Variants in LMOD1 observed in about 807,000 individuals in gnomAD.
The protein encoded by LMOD1 is leiomodin-1.
LMOD1 carries 8 observed loss-of-function variants against 36.5 expected under a neutral mutation model. That is an observed-to-expected ratio of 0.22 (90% CI 0.13 to 0.40). LMOD1 has a LOEUF of 0.40. LMOD1 is among the 10% of genes least tolerant of loss of function. LMOD1 has a pLI of 1.00. For synonymous variants in LMOD1, 284 were observed against 288.7 expected (o/e 0.98, Z 0.17); for missense variants, 630 against 751.1 (o/e 0.84, Z 1.88).
chr1:201,906,544 C>T (rs1344721768), intron 1 of LMOD1, among the ~76,000 whole-genome samples: 2 of 152,184 alleles, frequency 1.3e-5, no homozygotes, highest in Non-Finnish European at 2.9e-5. Context: ...GGCTGGAGGG[C>T]CTGTCAAAGG....
intron 1 of LMOD1, among the ~76,000 whole-genome samples, chr1:201,901,135 TACTA>T (rs1386559353): frequency 6.6e-6 from 1 of 152,128 alleles, no homozygotes; most frequent in African/African-American, 2.4e-5. Flanking sequence ...AAAGGAGAAA[TACTA>T]ACACTGATCC....
intron 1 of LMOD1, among the ~76,000 whole-genome samples, chr1:201,931,377 A>G (rs1243591582): frequency 6.6e-6 from 1 of 152,284 alleles, no homozygotes; most frequent in Non-Finnish European, 1.5e-5. Flanking sequence ...TCTACTAAAA[A>G]TACAAAAATT....
intron 1 of LMOD1, among the ~76,000 whole-genome samples, chr1:201,943,061 C>T (rs1571595508): frequency 6.6e-6 from 1 of 152,194 alleles, no homozygotes; most frequent in South Asian, 2.1e-4. Context: ...GGGAGATGAA[C>T]ATTTGACAGA....
chr1:201,901,536 A>G (rs1382008941), intron 1 of LMOD1, among the ~76,000 whole-genome samples: 2,253 of 44,552 alleles, frequency 0.051, 306 homozygotes, highest in African/African-American at 0.19. Context: ...ATATGTATAT[A>G]TATATATATA....
intron 1 of LMOD1, among the ~76,000 whole-genome samples, chr1:201,916,511 T>C (rs1342894120): frequency 9.4e-6 from 1 of 106,168 alleles, no homozygotes; most frequent in African/African-American, 3.0e-5. Flanking sequence ...AGAGACCCTG[T>C]CTCAAAAAAC....
chr1:201,915,161 A>G (rs1395720159), intron 1 of LMOD1, among the ~76,000 whole-genome samples: 4 of 152,118 alleles, frequency 2.6e-5, no homozygotes, highest in African/African-American at 9.7e-5. Flanking sequence ...ACGCTTCCCC[A>G]TCGGTTTCCA....
At chr1:201,940,748 A>ACTTTTTTTTTTTTTTTTTTTTTTTT (rs1553299404) in intron 1 of LMOD1, among the ~76,000 whole-genome samples, 1 of 125,248 alleles carries the variant, frequency 8.0e-6, no homozygotes. Flanking sequence ...CACGCCCAGC[A>ACTTTTTTTTTTTTTTTTTTTTTTTT]TTTTTTTTTT....
rs114392110 is a variant in LMOD1, at chr1:201,921,592, C to T, written c.262-20841G>A. 3.6e-3 allele frequency among the ~76,000 whole-genome samples: 540 copies of T among 150,756 alleles called. 5 individuals carry two copies. Among genetic ancestry groups the T allele is most frequent in the African/African-American group, 0.012 (509 of 40,998 alleles). ...GGTGTATACGTAGCAATGAAAACCACGGGAGTAAATATGGTGACTCTGAAA... is the reference window on the plus strand; with the variant it reads ...GGTGTATACGTAGCAATGAAAACCATGGGAGTAAATATGGTGACTCTGAAA... On this transcript the variant is annotated intron_variant, in intron 1 of 2. Transcript: ENST00000367288.
At chr1:201,930,236 T>C (rs908907295) in intron 1 of LMOD1, among the ~76,000 whole-genome samples, 2 of 152,182 alleles carry the variant, frequency 1.3e-5, no homozygotes, top group African/African-American at 4.8e-5. Flanking sequence ...TGAAGGCTTT[T>C]ACACAGGGAA....
intron 1 of LMOD1, among the ~76,000 whole-genome samples, chr1:201,930,095 T>C (rs1681893354): frequency 6.6e-6 from 1 of 152,178 alleles, no homozygotes; most frequent in South Asian, 2.1e-4. Flanking sequence ...AATGGTCAAG[T>C]ACAACTGTAG....
At chr1:201,907,239 A>C (rs1681426637) in intron 1 of LMOD1, among the ~76,000 whole-genome samples, 2 of 152,220 alleles carry the variant, frequency 1.3e-5, no homozygotes, top group African/African-American at 4.8e-5. Flanking sequence ...TGGCTGAGAC[A>C]CTTAGCACCT....
intron 1 of LMOD1, among the ~76,000 whole-genome samples, chr1:201,904,018 A>G (rs1681370945): frequency 6.6e-6 from 1 of 152,122 alleles, no homozygotes; most frequent in Admixed American, 6.5e-5. Context: ...CTTCCCCATC[A>G]GGGGCCAAAG....
At chr1:201,911,525 C>T (rs919309923) in intron 1 of LMOD1, among the ~76,000 whole-genome samples, 3 of 152,100 alleles carry the variant, frequency 2.0e-5, no homozygotes, top group South Asian at 2.1e-4. Context: ...ATTAGCCGGG[C>T]GTGGTGGTGG....
At chr1:201,937,838 A>C (rs1309474170) in intron 1 of LMOD1, among the ~76,000 whole-genome samples, 1 of 152,190 alleles carries the variant, frequency 6.6e-6, no homozygotes, top group Non-Finnish European at 1.5e-5. Flanking sequence ...TCACTACTCT[A>C]TCCTGGCATT....
intron 1 of LMOD1, among the ~76,000 whole-genome samples, chr1:201,925,116 G>A (rs1019218188): frequency 2.6e-5 from 4 of 152,054 alleles, no homozygotes; most frequent in African/African-American, 7.2e-5. Context: ...TGAGGCTCAG[G>A]CAGGAGAATT....
intron 1 of LMOD1, among the ~76,000 whole-genome samples, chr1:201,915,178 C>A (rs1171384330): frequency 1.3e-5 from 2 of 152,210 alleles, no homozygotes; most frequent in Non-Finnish European, 2.9e-5. Context: ...TCCACCGCAG[C>A]CTTCATGGCT....
chr1:201,896,482 G>A lies in LMOD1; in HGVS notation c.*1890C>T, dbSNP rs1390098667. Reference sequence around the variant, plus strand: ...GAGCTCTGACTTTTATTAGCTGTGTGATCATGGATATATTAGTTAACCTCT... The same window carrying A: ...GAGCTCTGACTTTTATTAGCTGTGTAATCATGGATATATTAGTTAACCTCT... On this transcript the variant is annotated 3_prime_UTR_variant, in exon 3 of 3. Transcript: ENST00000367288. 1.1e-4 allele frequency: 48 copies of A among 456,422 alleles called. No individual in the cohort carries two copies. The highest frequency in any genetic ancestry group is 1.9e-4 in the Non-Finnish European group (42 of 226,878). The allele number at this position is 456,422 out of a possible 1,614,324, so 28.3% of individuals were successfully genotyped here.
chr1:201,918,964 C>G (rs1415690588), intron 1 of LMOD1, among the ~76,000 whole-genome samples: 1 of 151,368 alleles, frequency 6.6e-6, no homozygotes, highest in African/African-American at 2.4e-5. Flanking sequence ...ATGATCATAG[C>G]TCACTATAAC....
chr1:201,933,581 C>CATATATATATATATATATAT (rs1681963921), intron 1 of LMOD1, among the ~76,000 whole-genome samples: 1 of 122,182 alleles, frequency 8.2e-6, no homozygotes, highest in Admixed American at 9.1e-5. Flanking sequence ...TATATATGTA[C>CATATATATATATATATATAT]ACATATACAT....
Sources: gnomAD v4.1 joint callset for allele counts (sites outside exome capture counted in the v4.1 genomes callset) on GRCh38, gnomAD v4.1.1 for gene constraint, MANE v1.5 for transcripts, NCBI Gene and HGNC (gene_info 2026-07-23, HGNC 2026-07-21) for gene names.